Variants in SLCO3A1 observed in about 807,000 individuals in gnomAD.
The protein encoded by SLCO3A1 is PGE1 transporter.
A neutral mutation model predicts 63.1 loss-of-function variants in SLCO3A1; 27 were observed. The ratio of observed to expected loss-of-function variants is 0.43; its 90% CI spans 0.32 to 0.59. The LOEUF (loss-of-function observed/expected upper bound fraction) is 0.59. SLCO3A1 is among the 20% of genes least tolerant of loss of function. The probability of loss-of-function intolerance (pLI) is 0.09; values close to 1 mark genes in which losing one functional copy is unlikely to be tolerated. For synonymous variants in SLCO3A1, 473 were observed against 409.9 expected, an observed-to-expected ratio of 1.15 and a Z score of -1.86; for missense variants, 773 against 945.8, an observed-to-expected ratio of 0.82 and a Z score of 2.40.
Position 91,872,833 on chromosome 15 carries a change from A to G in SLCO3A1, c.180+18745A>G, listed in dbSNP as rs1386229621. Reference sequence around the variant, plus strand: ...ACCAGAGAATAACTTCACCAGGGCCAGAGAATCTGTTCTCTGTTCCCTTCC... The same window carrying G: ...ACCAGAGAATAACTTCACCAGGGCCGGAGAATCTGTTCTCTGTTCCCTTCC... On this transcript the variant is annotated intron_variant, in intron 1 of 9. Coordinates refer to ENST00000318445, the MANE Select transcript of SLCO3A1 (RefSeq NM_013272.4). The surrounding 1 kb of genome is among the most constrained non-coding windows in gnomAD (Gnocchi z 4.1). Among the ~76,000 whole-genome samples the G allele has an allele frequency of 6.6e-6, 1 of 152,254 alleles. No individual in the cohort carries two copies. Among genetic ancestry groups the G allele is most frequent in the Non-Finnish European group, 1.5e-5 (1 of 68,042 alleles).
chr15:91,887,781 G>C (rs1897763702), intron 1 of SLCO3A1, among the ~76,000 whole-genome samples: 2 of 152,184 alleles, frequency 1.3e-5, no homozygotes, highest in Admixed American at 1.3e-4. Flanking sequence ...ATATCATTCT[G>C]CTAGGCTAGC....
chr15:92,146,978 T>C lies in SLCO3A1; in HGVS notation c.1513-6T>C, dbSNP rs2048233566. 1 of 1,604,356 alleles carries C rather than the reference T, an allele frequency of 6.2e-7. No homozygotes were observed. Among genetic ancestry groups the C allele is most frequent in the Non-Finnish European group, 8.5e-7 (1 of 1,175,920 alleles). On this transcript the variant is annotated splice_region_variant and splice_polypyrimidine_tract_variant and intron_variant, in intron 7 of 9. Coordinates refer to ENST00000318445, the MANE Select transcript of SLCO3A1 (RefSeq NM_013272.4). ...CAGATAAAAGGGCTGAACGCTTCCC[T>C]TTCAGAATCTCACGGGCTGTGCGTG...
At chr15:92,154,904 C>G (rs1056302560) in intron 9 of SLCO3A1, among the ~76,000 whole-genome samples, 1 of 152,156 alleles carries the variant, frequency 6.6e-6, no homozygotes, top group Non-Finnish European at 1.5e-5. Flanking sequence ...GGAAAAAGAA[C>G]TGGAGGATGT....
chr15:92,085,497 C>T (rs2047394164), intron 2 of SLCO3A1, among the ~76,000 whole-genome samples: 1 of 152,194 alleles, frequency 6.6e-6, no homozygotes, highest in African/African-American at 2.4e-5. Flanking sequence ...TGGTAGCACC[C>T]AACCCATTGC....
At chr15:92,158,907 T>G (rs74028856) in intron 9 of SLCO3A1, among the ~76,000 whole-genome samples, 2,783 of 152,316 alleles carry the variant, frequency 0.018, 97 homozygotes, top group African/African-American at 0.064. Flanking sequence ...TTTTCACTAT[T>G]CAGAAGTATA....
chr15:92,097,158 C>T (rs923601387), intron 3 of SLCO3A1, among the ~76,000 whole-genome samples: 47 of 152,166 alleles, frequency 3.1e-4, no homozygotes, highest in African/African-American at 1.0e-3. Flanking sequence ...CAAAAGCCTG[C>T]GAATGACCAG....
At position 91,863,550 on chromosome 15, in the gene SLCO3A1, C is replaced by G. The variant is rs991270284; in HGVS notation, c.180+9462C>G. Reference sequence around the variant, plus strand: ...ATGCTTTGCATAAGCAGCATGTATTCCAGTGTGGCACATCACACCATCCTC... The same window carrying G: ...ATGCTTTGCATAAGCAGCATGTATTGCAGTGTGGCACATCACACCATCCTC... On this transcript the variant is annotated intron_variant, in intron 1 of 9. Coordinates refer to ENST00000318445, the MANE Select transcript of SLCO3A1 (RefSeq NM_013272.4). The surrounding 1 kb of genome is among the most constrained non-coding windows in gnomAD (Gnocchi z 4.3). Among the ~76,000 whole-genome samples the G allele has an allele frequency of 1.3e-5, 2 of 152,182 alleles. No individual in the cohort carries two copies. Among genetic ancestry groups the G allele is most frequent in the Non-Finnish European group, 2.9e-5 (2 of 68,036 alleles).
At chr15:91,855,829 A>G (rs1440872513) in intron 1 of SLCO3A1, among the ~76,000 whole-genome samples, 1 of 152,204 alleles carries the variant, frequency 6.6e-6, no homozygotes, top group East Asian at 1.9e-4. Context: ...TAATTAGTAT[A>G]TCAACAGCTG....
At chr15:91,896,764 G>T (rs182942938) in intron 1 of SLCO3A1, among the ~76,000 whole-genome samples, 1 of 152,338 alleles carries the variant, frequency 6.6e-6, no homozygotes, top group Admixed American at 6.5e-5. Flanking sequence ...AGCAGTGTGA[G>T]AACAGACTAA....
At chr15:91,923,154 C>A (rs1396752304) in intron 2 of SLCO3A1, among the ~76,000 whole-genome samples, 2 of 152,210 alleles carry the variant, frequency 1.3e-5, no homozygotes, top group Non-Finnish European at 2.9e-5. Context: ...ATGGTCTGGT[C>A]TACCTGGCCA....
At chr15:92,097,051 G>A (rs1317113341) in intron 3 of SLCO3A1, among the ~76,000 whole-genome samples, 14 of 152,156 alleles carry the variant, frequency 9.2e-5, no homozygotes. Context: ...ATAGAGAGGA[G>A]GCATACTCCT....
intron 2 of SLCO3A1, among the ~76,000 whole-genome samples, chr15:92,030,301 A>G (rs533237145): frequency 6.6e-6 from 1 of 152,304 alleles, no homozygotes; most frequent in South Asian, 2.1e-4. Context: ...ACCAAGAGAA[A>G]AGAACTTTAC....
intron 2 of SLCO3A1, among the ~76,000 whole-genome samples, chr15:91,932,660 C>T (rs945977995): frequency 6.6e-6 from 1 of 152,202 alleles, no homozygotes; most frequent in Non-Finnish European, 1.5e-5. Flanking sequence ...CCAGGCTGGT[C>T]TCAAACTCCT....
At chr15:91,988,839 G>T (rs149041339) in intron 2 of SLCO3A1, among the ~76,000 whole-genome samples, 12 of 152,234 alleles carry the variant, frequency 7.9e-5, no homozygotes, top group East Asian at 5.8e-4. Flanking sequence ...TACAGTTAAC[G>T]CAAGGACAGA....
chr15:92,114,484 T>C (rs1850363420), intron 4 of SLCO3A1, among the ~76,000 whole-genome samples: 1 of 152,198 alleles, frequency 6.6e-6, no homozygotes, highest in African/African-American at 2.4e-5. Context: ...GCATCCAGCC[T>C]GCACGGGGCA....
chr15:92,029,827 T>TTTTTTTTTTTTTTTGAGACGG (rs1219751601), intron 2 of SLCO3A1, among the ~76,000 whole-genome samples: 1 of 150,756 alleles, frequency 6.6e-6, no homozygotes, highest in African/African-American at 2.4e-5. Context: ...ACATTTTTAA[T>TTTTTTTTTTTTTTTGAGACGG]AGAACTCTTC....
chr15:92,058,406 G>A (rs1317480535), intron 2 of SLCO3A1, among the ~76,000 whole-genome samples: 1 of 152,058 alleles, frequency 6.6e-6, no homozygotes. Flanking sequence ...AAATGATTGA[G>A]TTTTACCCCT....
At position 91,916,618 on chromosome 15, in the gene SLCO3A1, G is replaced by C. The variant is rs1165793041; in HGVS notation, c.646+160G>C. Among the ~76,000 whole-genome samples, 1 of 152,190 alleles carries C rather than the reference G, an allele frequency of 6.6e-6. No homozygotes were observed. The highest frequency in any genetic ancestry group is 2.4e-5 in the African/African-American group (1 of 41,448). ...ACTCATGCCTGGGGGTGCAACCTGGGCATTGAGACGTTTTTAAAAGTTCCC... is the reference window on the plus strand; with the variant it reads ...ACTCATGCCTGGGGGTGCAACCTGGCCATTGAGACGTTTTTAAAAGTTCCC... On this transcript the variant is annotated intron_variant, in intron 2 of 9. Coordinates refer to ENST00000318445, the MANE Select transcript of SLCO3A1 (RefSeq NM_013272.4). This position sits in a 1 kb window ranked among gnomAD's most constrained non-coding sequence, Gnocchi z 6.2.
intron 2 of SLCO3A1, among the ~76,000 whole-genome samples, chr15:91,946,872 G>A (rs1203611936): frequency 1.3e-5 from 2 of 152,174 alleles, no homozygotes; most frequent in African/African-American, 4.8e-5. Context: ...CATTCTTCTA[G>A]CCAACGGAAC....
Sources: allele counts gnomAD v4.1 joint callset (sites outside exome capture counted in the v4.1 genomes callset), GRCh38; gene constraint gnomAD v4.1.1; non-coding constraint Gnocchi (gnomAD v3.1); transcripts MANE v1.5; gene names NCBI Gene and HGNC (gene_info 2026-07-23, HGNC 2026-07-21).